WSCD2: variants seen among roughly 807,000 people sequenced by gnomAD.
The protein encoded by WSCD2 is WSC domain sialate O sulfotransferase 2, also known as sialate:O-sulfotransferase 2.
A neutral mutation model predicts 55.7 loss-of-function variants in WSCD2; 28 were observed. The observed-to-expected ratio is 0.50, with a 90% CI of 0.37 to 0.69. The LOEUF (loss-of-function observed/expected upper bound fraction) is 0.69. Among genes scored for constraint, WSCD2 ranks in the 30% least tolerant of loss-of-function variants. WSCD2 has a pLI of 0.00. For missense variants in WSCD2, 616 were observed against 762.1 expected (o/e 0.81, Z 2.26); for synonymous variants, 301 against 301.9 (o/e 1.00, Z 0.03).
intron 4 of WSCD2, among the ~76,000 whole-genome samples, chr12:108,215,164 TTTC>T (rs1377382171): frequency 1.3e-5 from 2 of 152,238 alleles, no homozygotes; most frequent in African/African-American, 4.8e-5. Context: ...ATAGAAAATA[TTTC>T]TTCTTCTGCA....
intron 3 of WSCD2, among the ~76,000 whole-genome samples, chr12:108,207,247 C>T (rs1193954349): frequency 6.6e-6 from 1 of 152,194 alleles, no homozygotes; most frequent in Non-Finnish European, 1.5e-5. Flanking sequence ...CTAATATGCT[C>T]ACCTTCAGGC....
chr12:108,181,986 G>T lies in WSCD2; in HGVS notation c.-551-13296G>T, dbSNP rs146165828. The stretch of plus-strand genomic sequence containing the variant: ...GAACTAAGGCTTAGAGAGATTAAAT[G>T]GTTTCCTCAGCTTTCTCACTGCTGT... On this transcript the variant is annotated intron_variant, in intron 1 of 8. Transcript: ENST00000547525. Among the ~76,000 whole-genome samples the T allele has an allele frequency of 9.8e-5, 15 of 152,298 alleles. No individual in the cohort carries two copies. In the East Asian group the frequency reaches 2.9e-3, roughly 29 times the overall value.
intron 2 of WSCD2, among the ~76,000 whole-genome samples, chr12:108,197,414 G>T (rs1287396422): frequency 2.6e-5 from 4 of 152,166 alleles, no homozygotes; most frequent in African/African-American, 9.7e-5. Flanking sequence ...GGGAGGCAAA[G>T]GAGATGTTGG....
Position 108,232,763 on chromosome 12 carries a change from G to A in WSCD2, c.1012G>A (p.Gly338Ser). The change falls in exon 7 of 9, where the codon GGC (glycine) becomes AGC (serine). Residue 338 changes from glycine to serine, a missense_variant. By Grantham distance (56) the Gly-to-Ser change is moderately conservative. Transcript: ENST00000547525. Reference protein sequence around the residue: ...NRCMDRRFLPGKSKQLIALAS... With the variant: ...NRCMDRRFLPSKSKQLIALAS... ...TTGCATGGACAGAAGGTTCCTGCCA[G>A]GCAAGTCCAAGCAGCTCATTGCTTT... 6.2e-7 allele frequency: 1 copy of A among 1,613,670 alleles called. No individual in the cohort carries two copies. Among genetic ancestry groups the A allele is most frequent in the South Asian group, 1.1e-5 (1 of 91,060 alleles).
intron 6 of WSCD2, among the ~76,000 whole-genome samples, chr12:108,230,746 G>A (rs992513184): frequency 5.3e-5 from 8 of 152,230 alleles, no homozygotes; most frequent in African/African-American, 7.2e-5. Context: ...GGAGGGCAGC[G>A]CTCTGCCCTC....
Position 108,170,226 on chromosome 12 carries a change from C to A in WSCD2, c.-551-25056C>A, listed in dbSNP as rs867432952. 3.3e-5 allele frequency among the ~76,000 whole-genome samples: 5 copies of A among 152,118 alleles called. No homozygotes were observed. In the South Asian group the frequency reaches 1.0e-3, roughly 32 times the overall value. ...TTTCTGTTATGGGTTAGTTTTAGCA[C>A]AATTTATTGCTTAGCTAAGTTAGGA... On this transcript the variant is annotated intron_variant, in intron 1 of 8. Coordinates refer to ENST00000547525, the MANE Select transcript of WSCD2 (RefSeq NM_014653.4).
At chr12:108,243,754 T>C (rs998465688) in intron 8 of WSCD2, among the ~76,000 whole-genome samples, 15 of 152,136 alleles carry the variant, frequency 9.9e-5, no homozygotes, top group African/African-American at 3.6e-4. Flanking sequence ...CATGTGCACT[T>C]TAAGGTTTGA....
At position 108,232,874 on chromosome 12, in the gene WSCD2, G is replaced by A. The variant is rs1217320019; in HGVS notation, c.1123G>A (p.Asp375Asn). 1.9e-6 allele frequency: 3 copies of A among 1,613,464 alleles called. No homozygotes were observed. The highest frequency in any genetic ancestry group is 1.1e-5 in the South Asian group (1 of 91,068). Residue 375 changes from aspartate to asparagine, a missense_variant, in exon 7 of 9, where the codon GAT becomes AAT. Transcript: ENST00000547525. ...TGFYTGSYYFDGSLYNKGFKG... is the reference protein window; with the variant it reads ...TGFYTGSYYFNGSLYNKGFKG... ...CTTCTACACTGGCAGCTACTACTTCGATGGCTCCCTCTACAACAAAGGTGA... is the reference window on the plus strand; with the variant it reads ...CTTCTACACTGGCAGCTACTACTTCAATGGCTCCCTCTACAACAAAGGTGA...
chr12:108,205,516 G>A (rs1430068867), intron 2 of WSCD2, among the ~76,000 whole-genome samples: 1 of 152,102 alleles, frequency 6.6e-6, no homozygotes, highest in Non-Finnish European at 1.5e-5. Context: ...ACTACTTTAA[G>A]AAAACTAAGT....
chr12:108,140,962 GA>G (rs1264475354), intron 1 of WSCD2, among the ~76,000 whole-genome samples: 10 of 152,280 alleles, frequency 6.6e-5, no homozygotes, highest in African/African-American at 2.4e-4. Context: ...AGCGTGAGCG[GA>G]TGAGTTCCCT....
Position 108,196,116 on chromosome 12 carries a change from G to A in WSCD2, c.284G>A (p.Gly95Asp). 1.2e-6 allele frequency: 2 copies of A among 1,614,172 alleles called. No homozygotes were observed. The highest frequency in any genetic ancestry group is 1.7e-6 in the Non-Finnish European group (2 of 1,180,040). The change falls in exon 2 of 9, where the codon GGC (glycine) becomes GAC (aspartate). Residue 95 changes from glycine (G) to aspartate (D), a missense_variant. Gly to Asp is a moderately conservative substitution (Grantham distance 94). Coordinates refer to ENST00000547525, the MANE Select transcript of WSCD2 (RefSeq NM_014653.4). ...IARRYGPWFK[G>D]KDGNERAKLG... The stretch of plus-strand genomic sequence containing the variant: ...CGCAGGTACGGACCCTGGTTCAAGG[G>A]CAAGGATGGGAATGAGAGAGCCAAG...
chr12:108,190,792 G>A (rs1012653714), intron 1 of WSCD2, among the ~76,000 whole-genome samples: 3 of 152,246 alleles, frequency 2.0e-5, no homozygotes, highest in African/African-American at 4.8e-5. Flanking sequence ...GCCAGCCCTG[G>A]GGGGGAGGCA....
At chr12:108,231,136 A>C (rs1888703768) in intron 6 of WSCD2, among the ~76,000 whole-genome samples, 4 of 152,170 alleles carry the variant, frequency 2.6e-5, no homozygotes, top group Admixed American at 1.3e-4. Flanking sequence ...GCTTCCCCAG[A>C]AGAGGGAGAG....
chr12:108,229,234 C>A (rs750978157), intron 6 of WSCD2, among the ~76,000 whole-genome samples: 3 of 152,190 alleles, frequency 2.0e-5, no homozygotes, highest in Non-Finnish European at 2.9e-5. Context: ...AGCCCTGATG[C>A]CCCTTATGGG....
intron 1 of WSCD2, among the ~76,000 whole-genome samples, chr12:108,171,435 T>A (rs1880235223): frequency 6.6e-6 from 1 of 152,230 alleles, no homozygotes; most frequent in Non-Finnish European, 1.5e-5. Context: ...ATGGCGAGAC[T>A]GCAGTAAGGT....
intron 1 of WSCD2, among the ~76,000 whole-genome samples, chr12:108,184,438 G>A (rs1882196513): frequency 6.6e-6 from 1 of 152,212 alleles, no homozygotes; most frequent in African/African-American, 2.4e-5. Flanking sequence ...GTTGCTAATA[G>A]GTGCTGTCAC....
intron 1 of WSCD2, among the ~76,000 whole-genome samples, chr12:108,181,658 G>C (rs947929485): frequency 6.6e-6 from 1 of 152,204 alleles, no homozygotes; most frequent in Non-Finnish European, 1.5e-5. Context: ...CTCCAAGCTA[G>C]AGTGTGATGG....
intron 6 of WSCD2, among the ~76,000 whole-genome samples, chr12:108,232,421 C>T (rs981235862): frequency 2.0e-5 from 3 of 152,122 alleles, no homozygotes; most frequent in Non-Finnish European, 2.9e-5. Context: ...GAAACTGGGG[C>T]TGGAGAGAAG....
intron 2 of WSCD2, among the ~76,000 whole-genome samples, chr12:108,201,821 T>C (rs892077576): frequency 1.3e-5 from 2 of 152,066 alleles, no homozygotes; most frequent in African/African-American, 4.8e-5. Context: ...AAAAGATTAA[T>C]TGTAGCAAAA....
Sources: gnomAD v4.1 joint callset for allele counts (sites outside exome capture counted in the v4.1 genomes callset) on GRCh38, gnomAD v4.1.1 for gene constraint, MANE v1.5 for transcripts, NCBI Gene and HGNC (gene_info 2026-07-23, HGNC 2026-07-21) for gene names.